The following NCAPD3 variants were observed in gnomAD, a reference collection of about 807,000 sequenced individuals.
The protein encoded by NCAPD3 is non-SMC condensin II complex subunit D3.
In NCAPD3, 105 loss-of-function variants were observed where a neutral mutation model predicts 182.9. The observed-to-expected ratio is 0.57, with a 90% CI of 0.49 to 0.68. The LOEUF (loss-of-function observed/expected upper bound fraction) is 0.68. NCAPD3 is among the 30% of genes least tolerant of loss of function. NCAPD3 has a pLI of 0.00. For missense variants in NCAPD3, 1,944 were observed against 1,837.0 expected (o/e 1.06, Z -1.07); for synonymous variants, 815 against 679.9 (o/e 1.20, Z -3.09).
chr11:134,165,565 G>T (rs1191467715), intron 27 of NCAPD3, among the ~76,000 whole-genome samples: 7 of 147,610 alleles, frequency 4.7e-5, no homozygotes. Flanking sequence ...TCACTTGTGA[G>T]ATGAGCTTGG....
intron 4 of NCAPD3, chr11:134,209,706 T>A (rs1033084169): frequency 2.5e-5 from 11 of 442,862 alleles, no homozygotes; most frequent in Admixed American, 2.0e-4. Flanking sequence ...CAATGAGGAA[T>A]CCTTTTTTTC....
chr11:134,166,861 G>T (rs1307145609), intron 27 of NCAPD3, among the ~76,000 whole-genome samples: 3 of 114,020 alleles, frequency 2.6e-5, no homozygotes, highest in Non-Finnish European at 1.8e-5. Flanking sequence ...ACTCATGAGA[G>T]GAGCTTAGGG....
In NCAPD3 at chr11:134,168,705, C is replaced by A. The variant is rs576311385; in HGVS notation, c.3240-103G>T. ...CCTAAAAGCTGCATGCCAAAGACTC[C>A]AGTGCACTACAGAGATCCCAGTGCT... On this transcript the variant is annotated intron_variant, in intron 25 of 34. Coordinates refer to ENST00000534548, the MANE Select transcript of NCAPD3 (RefSeq NM_015261.3). The A allele has an allele frequency of 9.1e-5, 135 of 1,482,160 alleles. No homozygotes were observed. The African/African-American group carries it at 1.6e-3, about 18-fold the overall frequency. 91.8% of individuals were successfully genotyped at this position (1,482,160 alleles called of 1,614,324 possible). A position where few individuals can be genotyped will look rare whatever the true frequency, so the allele number is the denominator to read the frequency against.
intron 2 of NCAPD3, among the ~76,000 whole-genome samples, 153 bp from the exon 3 acceptor site, chr11:134,217,251 G>A (rs771885122): frequency 1.2e-4 from 18 of 152,028 alleles, no homozygotes; most frequent in Non-Finnish European, 2.6e-4. Flanking sequence ...CAAAGGGACT[G>A]AAACAAAATA....
Position 134,209,195 on chromosome 11 carries a change from T to C in NCAPD3, c.744A>G (p.Ser248=). 3 of 1,613,404 alleles carry C rather than the reference T, an allele frequency of 1.9e-6. No individual in the cohort carries two copies. Among genetic ancestry groups the C allele is most frequent in the Non-Finnish European group, 2.5e-6 (3 of 1,179,728 alleles). Residue 248 remains serine (S), a synonymous_variant, in exon 6 of 35, where the codon TCA becomes TCG. Transcript: ENST00000534548. ...CVQNCIEVFV[S]LTNFEPVLHE... is the part of the protein sequence containing the mutation. ...GAAGAACTGGCTCAAAATTAGTTAA[T>C]GAAACAAAGACCTAGAAAACAGATA...
chr11:134,216,905 A>C (rs1170996278), intron 3 of NCAPD3, 31 bp downstream of exon 3: 3 of 1,552,308 alleles, frequency 1.9e-6, no homozygotes, highest in African/African-American at 1.4e-5. Context: ...AAATGACAGA[A>C]GATTTATCCT....
chr11:134,166,590 ACACT>A (rs1264589444), intron 27 of NCAPD3, among the ~76,000 whole-genome samples: 2 of 20,830 alleles, frequency 9.6e-5, no homozygotes, highest in Admixed American at 5.3e-4. Context: ...GGGGAGCTGC[ACACT>A]CACTAGTGAG....
chr11:134,165,898 G>C (rs1381584026), intron 27 of NCAPD3, among the ~76,000 whole-genome samples: 10 of 118,892 alleles, frequency 8.4e-5, no homozygotes, highest in African/African-American at 1.3e-4. Context: ...TTGGGGGAGG[G>C]GCACACTCAC....
chr11:134,203,164 A>G lies in NCAPD3; in HGVS notation c.1503T>C (p.Gly501=). The change falls in exon 12 of 35, where the codon GGT becomes GGC. Residue 501 remains glycine, a synonymous_variant. Transcript: ENST00000534548. ...TACCTGATGAATTTCTCAGTAAGGT[A>G]CCAGGGTGACTCTCTATTACAGAAA... The part of the protein sequence containing the change: ...PTFSVIESHP[G]TLLRNSSAFS... 2 of 1,597,378 alleles carry G rather than the reference A, an allele frequency of 1.3e-6. No homozygotes were observed. Among genetic ancestry groups the G allele is most frequent in the South Asian group, 2.2e-5 (2 of 90,636 alleles).
At chr11:134,161,310 C>T (rs1943573732) in intron 28 of NCAPD3, among the ~76,000 whole-genome samples, 1 of 152,174 alleles carries the variant, frequency 6.6e-6, no homozygotes, top group Admixed American at 6.5e-5. Context: ...CCTCATGGTC[C>T]CCTTGCTTGA....
At chr11:134,165,563 G>A (rs1487816162) in intron 27 of NCAPD3, among the ~76,000 whole-genome samples, 1 of 149,694 alleles carries the variant, frequency 6.7e-6, no homozygotes, top group African/African-American at 2.5e-5. Context: ...ACTCACTTGT[G>A]AGATGAGCTT....
intron 16 of NCAPD3, among the ~76,000 whole-genome samples, chr11:134,189,056 A>G (rs1366582658): frequency 6.6e-6 from 1 of 152,200 alleles, no homozygotes; most frequent in Non-Finnish European, 1.5e-5. Context: ...AAATTAATAC[A>G]AAGAGCTGTA....
chr11:134,208,621 T>G (rs1591859564), intron 7 of NCAPD3, among the ~76,000 whole-genome samples: 1 of 152,328 alleles, frequency 6.6e-6, no homozygotes, highest in Middle Eastern at 3.4e-3. Flanking sequence ...GAACCATTTT[T>G]TCTAACTGGA....
chr11:134,215,358 C>T (rs1937976167), intron 3 of NCAPD3, among the ~76,000 whole-genome samples: 1 of 152,090 alleles, frequency 6.6e-6, no homozygotes, highest in Non-Finnish European at 1.5e-5. Context: ...AGAAAGAACC[C>T]AGACTAGAAA....
Position 134,176,377 on chromosome 11 carries a change from C to G in NCAPD3, c.3031G>C (p.Val1011Leu). 5 of 1,613,938 alleles carry G rather than the reference C, an allele frequency of 3.1e-6. No individual in the cohort carries two copies. The highest frequency in any genetic ancestry group is 4.2e-6 in the Non-Finnish European group (5 of 1,179,882). The change falls in exon 24 of 35, where the codon GTG becomes CTG. Residue 1011 changes from valine (V) to leucine (L), a missense_variant. By Grantham distance (32) the Val-to-Leu change is conservative (BLOSUM62 1). Coordinates refer to ENST00000534548, the MANE Select transcript of NCAPD3 (RefSeq NM_015261.3). ...LLTNLLQEEF[V>L]KWKGSLFFRF... is the part of the protein sequence containing the mutation. ...AAGAACAGGGAGCCCTTCCATTTCA[C>G]AAATTCCTCCTGTGCAGAGAGAAGC... is the stretch of plus-strand genomic sequence containing the variant.
At chr11:134,164,496 G>A (rs1366365398) in intron 27 of NCAPD3, among the ~76,000 whole-genome samples, 2 of 152,244 alleles carry the variant, frequency 1.3e-5, no homozygotes, top group Admixed American at 6.5e-5. Context: ...ATGGCACCAG[G>A]ATTCCAGGGA....
chr11:134,186,733 A>G (rs1470323854), intron 16 of NCAPD3, among the ~76,000 whole-genome samples: 1 of 152,210 alleles, frequency 6.6e-6, no homozygotes, highest in Non-Finnish European at 1.5e-5. Flanking sequence ...TAGAAGGGAA[A>G]TTCTCAAAAC....
At position 134,178,732 on chromosome 11, in the gene NCAPD3, G is replaced by A; in HGVS notation, c.2684C>T (p.Ser895Phe). The change falls in exon 22 of 35, where the codon TCT becomes TTT. Residue 895 changes from serine (S) to phenylalanine (F), a missense_variant. Ser to Phe is a radical substitution (Grantham distance 155, BLOSUM62 -2). Coordinates refer to ENST00000534548, the MANE Select transcript of NCAPD3 (RefSeq NM_015261.3). The part of the protein sequence containing the change: ...SSADADHSPS[S>F]QGSSEAPASQ... ...CGCTGGGGCCTCACTGCTGCCTTGAGATGATGGTGCTGCAAAGAAGGGAGA... is the reference window on the plus strand; with the variant it reads ...CGCTGGGGCCTCACTGCTGCCTTGAAATGATGGTGCTGCAAAGAAGGGAGA... 6.2e-7 allele frequency: 1 copy of A among 1,608,872 alleles called. No individual in the cohort carries two copies. The highest frequency in any genetic ancestry group is 1.1e-5 in the South Asian group (1 of 90,408).
chr11:134,203,521 A>G, intron 11 of NCAPD3, 133 bp downstream of exon 11: 2 of 1,214,584 alleles, frequency 1.6e-6, no homozygotes, highest in Non-Finnish European at 2.3e-6. Flanking sequence ...AAAATATACT[A>G]AAAATGGTTT....
Sources: gnomAD v4.1 joint callset for allele counts (sites outside exome capture counted in the v4.1 genomes callset) on GRCh38, gnomAD v4.1.1 for gene constraint, MANE v1.5 for transcripts, NCBI Gene and HGNC (gene_info 2026-07-23, HGNC 2026-07-21) for gene names.